The following WBP1L variants were observed in gnomAD, a reference collection of about 807,000 sequenced individuals.
WBP1L encodes WW domain binding protein 1 like.
A neutral mutation model predicts 33.7 loss-of-function variants in WBP1L; 17 were observed. That is an observed-to-expected ratio of 0.50 (90% CI 0.34 to 0.76). WBP1L has a LOEUF of 0.76. Ranked by LOEUF, WBP1L falls within the 30% of genes least tolerant of loss-of-function variation. The pLI, the probability that WBP1L is intolerant of heterozygous loss-of-function variation, is 0.01. For missense variants in WBP1L, 389 were observed against 469.4 expected (o/e 0.83, Z 1.58); for synonymous variants, 173 against 190.8 (o/e 0.91, Z 0.77).
intron 2 of WBP1L, among the ~76,000 whole-genome samples, chr10:102,803,517 T>C (rs1340673881): frequency 6.6e-6 from 1 of 152,172 alleles, no homozygotes; most frequent in Non-Finnish European, 1.5e-5. Flanking sequence ...AAAACTTGTC[T>C]TTGAGGAATG....
At chr10:102,807,910 A>C (rs1830016667) in intron 2 of WBP1L, among the ~76,000 whole-genome samples, 1 of 151,992 alleles carries the variant, frequency 6.6e-6, no homozygotes. Context: ...ATATTTTTAA[A>C]ATTTAATTTG....
chr10:102,798,659 G>A (rs1357264715), intron 2 of WBP1L, among the ~76,000 whole-genome samples: 1 of 152,146 alleles, frequency 6.6e-6, no homozygotes, highest in East Asian at 1.9e-4. Flanking sequence ...TGTTGACCTC[G>A]TGATCTGCCC....
chr10:102,777,545 C>G (rs2134043034), intron 1 of WBP1L, among the ~76,000 whole-genome samples: 1 of 150,420 alleles, frequency 6.6e-6, no homozygotes, highest in South Asian at 2.1e-4. Context: ...CTTCTGCCCC[C>G]ACAAGAAAGG....
intron 2 of WBP1L, among the ~76,000 whole-genome samples, chr10:102,803,745 A>G (rs1465732069): frequency 6.6e-6 from 1 of 151,692 alleles, no homozygotes; most frequent in Non-Finnish European, 1.5e-5. Flanking sequence ...AGTGGCTGGG[A>G]CTATAGGTGC....
At chr10:102,752,842 G>A (rs1197675483) in intron 1 of WBP1L, among the ~76,000 whole-genome samples, 1 of 152,178 alleles carries the variant, frequency 6.6e-6, no homozygotes, top group Non-Finnish European at 1.5e-5. Flanking sequence ...TGGACCTCAG[G>A]GTGGCTGTGT....
At chr10:102,776,415 C>G (rs1210668384) in intron 1 of WBP1L, 1 of 1,614,118 alleles carries the variant, frequency 6.2e-7, no homozygotes, top group South Asian at 1.1e-5. Flanking sequence ...GGGTCTTAGA[C>G]AGGTAATTGT....
At chr10:102,800,416 G>C (rs1036214589) in intron 2 of WBP1L, among the ~76,000 whole-genome samples, 1 of 152,154 alleles carries the variant, frequency 6.6e-6, no homozygotes, top group Non-Finnish European at 1.5e-5. Flanking sequence ...TGGAGTGGTG[G>C]GGACAGGGAG....
At position 102,758,137 on chromosome 10, in the gene WBP1L, G is replaced by A. The variant is rs962817524; in HGVS notation, c.90+13994G>A. On this transcript the variant is annotated intron_variant, in intron 1 of 3. Transcript: ENST00000448841. ...TGACCTCATGTGATCCACCCGCCTC[G>A]GCCTCCCAAAGTACTGGGATTACAG... Among the ~76,000 whole-genome samples, 3 of 151,630 alleles carry A rather than the reference G, an allele frequency of 2.0e-5. No individual in the cohort carries two copies. The East Asian group carries it at 5.8e-4, about 29-fold the overall frequency.
intron 1 of WBP1L, among the ~76,000 whole-genome samples, chr10:102,746,616 G>A (rs1842866665): frequency 6.6e-6 from 1 of 151,466 alleles, no homozygotes; most frequent in African/African-American, 2.4e-5. Context: ...TTTTGGGGGG[G>A]GTGGGGGAAG....
chr10:102,804,426 A>ATTTTTTT (rs1843703755), intron 2 of WBP1L, among the ~76,000 whole-genome samples: 2 of 150,050 alleles, frequency 1.3e-5, no homozygotes, highest in Admixed American at 6.6e-5. Flanking sequence ...TTTTAAAAAA[A>ATTTTTTT]AAATTATACT....
At chr10:102,745,966 A>C (rs1293284212) in intron 1 of WBP1L, among the ~76,000 whole-genome samples, 1 of 152,260 alleles carries the variant, frequency 6.6e-6, no homozygotes, top group Non-Finnish European at 1.5e-5. Context: ...GTAAATACAG[A>C]ATTTACTTTT....
chr10:102,811,031 A>G (rs1843835067), intron 3 of WBP1L, among the ~76,000 whole-genome samples: 1 of 151,982 alleles, frequency 6.6e-6, no homozygotes, highest in Admixed American at 6.6e-5. Context: ...CAGATAATAG[A>G]ACAATAATTA....
rs1236364143 is a variant in WBP1L, at chr10:102,815,427, G to T, written c.*2096G>T. ...GTGTCCACAACCACTTGGGACAGAA[G>T]AAGGTGGAATTTCAGACAGAAGCTT... is the stretch of plus-strand genomic sequence containing the variant. On this transcript the variant is annotated 3_prime_UTR_variant, in exon 4 of 4. Coordinates refer to ENST00000448841, the MANE Select transcript of WBP1L (RefSeq NM_001083913.2). 6.6e-6 allele frequency: 1 copy of T among 152,566 alleles called. No individual in the cohort carries two copies. The highest frequency in any genetic ancestry group is 2.4e-5 in the African/African-American group (1 of 41,458). 9.5% of individuals were successfully genotyped at this position (152,566 alleles called of 1,614,324 possible). A position where few individuals can be genotyped will look rare whatever the true frequency, so the allele number is the denominator to read the frequency against.
intron 1 of WBP1L, among the ~76,000 whole-genome samples, chr10:102,750,748 G>A (rs2250052): frequency 0.76 from 115,546 of 151,426 alleles, 44,245 homozygotes; most frequent in Non-Finnish European, 0.77. Flanking sequence ...TGATCCGCCC[G>A]CCTCAGCCTC....
chr10:102,782,205 A>G (rs2134046583), intron 1 of WBP1L, among the ~76,000 whole-genome samples: 1 of 141,984 alleles, frequency 7.0e-6, no homozygotes, highest in African/African-American at 2.6e-5. Context: ...TCTCTGTTGA[A>G]AGAAGCTGCT....
At chr10:102,748,658 G>A (rs1842892753) in intron 1 of WBP1L, among the ~76,000 whole-genome samples, 1 of 152,170 alleles carries the variant, frequency 6.6e-6, no homozygotes. Flanking sequence ...TTATTGCTAG[G>A]CCCTGGGAAC....
chr10:102,792,592 CTTTTT>C, intron 1 of WBP1L, among the ~76,000 whole-genome samples: 1 of 103,586 alleles, frequency 9.7e-6, no homozygotes, highest in Non-Finnish European at 2.0e-5. Flanking sequence ...TTTTTCTTTT[CTTTTT>C]TTTTTTTTTT....
At chr10:102,752,718 C>A (rs1590165449) in intron 1 of WBP1L, among the ~76,000 whole-genome samples, 1 of 152,276 alleles carries the variant, frequency 6.6e-6, no homozygotes, top group East Asian at 1.9e-4. Flanking sequence ...CATTCCAAGT[C>A]CTGGCTCTAC....
At chr10:102,795,022 G>A (rs1211461846) in intron 1 of WBP1L, among the ~76,000 whole-genome samples, 1 of 152,060 alleles carries the variant, frequency 6.6e-6, no homozygotes. Context: ...GGACCACAGG[G>A]GACTAGATAT....
Sources: allele counts gnomAD v4.1 joint callset (sites outside exome capture counted in the v4.1 genomes callset), GRCh38; gene constraint gnomAD v4.1.1; transcripts MANE v1.5; gene names NCBI Gene and HGNC (gene_info 2026-07-23, HGNC 2026-07-21).